The following RAB30 variants were observed in gnomAD, a reference collection of about 807,000 sequenced individuals.
The protein encoded by RAB30 is ras-related protein Rab-30.
RAB30 carries 9 observed loss-of-function variants against 25.1 expected under a neutral mutation model. The observed-to-expected ratio is 0.36, with a 90% confidence interval of 0.22 to 0.63. The LOEUF is 0.63. Ranked by LOEUF, RAB30 falls within the 20% of genes least tolerant of loss-of-function variation. The pLI, the probability that RAB30 is intolerant of heterozygous loss-of-function variation, is 0.69. For synonymous variants in RAB30, 77 were observed against 86.4 expected (o/e 0.89, Z 0.60); for missense variants, 140 against 243.5 (o/e 0.58, Z 2.83).
intron 1 of RAB30, among the ~76,000 whole-genome samples, chr11:83,012,358 T>C (rs1318708558): frequency 6.6e-6 from 1 of 152,156 alleles, no homozygotes; most frequent in Non-Finnish European, 1.5e-5. Flanking sequence ...TTAAAACTCT[T>C]CCAGGGCTCT....
chr11:83,017,285 C>T (rs1257243063), intron 1 of RAB30, among the ~76,000 whole-genome samples: 2 of 151,952 alleles, frequency 1.3e-5, no homozygotes, highest in Non-Finnish European at 2.9e-5. Context: ...TGCAGTGAGC[C>T]GTGATAGTTC....
chr11:83,071,546 G>T (rs995935845), intron 1 of RAB30, 145 bp downstream of exon 1: 1 of 139,926 alleles, frequency 7.1e-6, no homozygotes, highest in Non-Finnish European at 1.6e-5. Flanking sequence ...AAATGGCACA[G>T]AGCTTTTCCC....
chr11:82,984,920 C>T (rs1590833012), intron 4 of RAB30, among the ~76,000 whole-genome samples: 1 of 152,124 alleles, frequency 6.6e-6, no homozygotes. Context: ...CTGGCAAAGT[C>T]GGAACAATGG....
In RAB30 at chr11:82,976,752, T is replaced by C. The variant is rs1445101046; in HGVS notation, c.*5413A>G. Reference sequence around the variant, plus strand: ...AAACAAAACCATAAAAAAAGACCAATGAAGAGCCGTCTATCAGCCTTGCAA... The same window carrying C: ...AAACAAAACCATAAAAAAAGACCAACGAAGAGCCGTCTATCAGCCTTGCAA... On this transcript the variant is annotated 3_prime_UTR_variant, in exon 5 of 5. Transcript: ENST00000527633. 1.3e-5 allele frequency: 2 copies of C among 152,018 alleles called. No individual in the cohort carries two copies. Among genetic ancestry groups the C allele is most frequent in the African/African-American group, 2.4e-5 (1 of 41,374 alleles). 9.4% of individuals were successfully genotyped at this position (152,018 alleles called of 1,614,324 possible). A position where few individuals can be genotyped will look rare whatever the true frequency, so the allele number is the denominator to read the frequency against.
intron 1 of RAB30, among the ~76,000 whole-genome samples, chr11:83,037,701 G>A (rs899163308): frequency 6.6e-6 from 1 of 152,134 alleles, no homozygotes; most frequent in Non-Finnish European, 1.5e-5. Flanking sequence ...AAATGCTCGT[G>A]AGATAGCCAA....
intron 1 of RAB30, among the ~76,000 whole-genome samples, chr11:83,050,502 A>C (rs1858334440): frequency 6.6e-6 from 1 of 152,140 alleles, no homozygotes; most frequent in South Asian, 2.1e-4. Flanking sequence ...AAAAGGGGAG[A>C]GGCAGTAAGA....
At position 82,994,206 on chromosome 11, in the gene RAB30, C is replaced by CA. The variant is rs1281444400; in HGVS notation, c.94-85dup. On this transcript the variant is annotated intron_variant, in intron 2 of 4. Coordinates refer to ENST00000527633, the MANE Select transcript of RAB30 (RefSeq NM_001286060.2). Reference sequence around the variant, plus strand: ...TCTCCTCTCCCCCAGCAACACCCATCACCGGAGTCCTTCCTTCAGCTGAGG... The same window carrying CA: ...TCTCCTCTCCCCCAGCAACACCCATCAACCGGAGTCCTTCCTTCAGCTGAGG... 1.1e-5 allele frequency: 13 copies of CA among 1,153,034 alleles called. No homozygotes were observed. The African/African-American group carries it at 2.0e-4, about 18-fold the overall frequency. The allele number at this position is 1,153,034 out of a possible 1,614,324, so 71.4% of individuals were successfully genotyped here. A position where few individuals can be genotyped will look rare whatever the true frequency, so the allele number is the denominator to read the frequency against.
rs1020595372 is a variant in RAB30 at position 82,979,229 on chromosome 11, A to G, written c.*2936T>C. ...AGATTTTCCCAAGCCTGACTCCATG[A>G]CATGAGTATCATGCATTTTCACTGG... On this transcript the variant is annotated 3_prime_UTR_variant, in exon 5 of 5. Coordinates refer to ENST00000527633, the MANE Select transcript of RAB30 (RefSeq NM_001286060.2). 59 of 152,332 alleles carry G rather than the reference A, an allele frequency of 3.9e-4. No homozygotes were observed. Among genetic ancestry groups the G allele is most frequent in the Admixed American group, 3.8e-3 (58 of 15,290 alleles). 9.4% of individuals were successfully genotyped at this position (152,332 alleles called of 1,614,324 possible).
chr11:83,058,656 G>T (rs1858503406), intron 1 of RAB30, among the ~76,000 whole-genome samples: 1 of 152,194 alleles, frequency 6.6e-6, no homozygotes, highest in South Asian at 2.1e-4. Context: ...CACTTAAAGT[G>T]GTGTCTGCCT....
At chr11:83,017,964 A>G (rs11233419) in intron 1 of RAB30, among the ~76,000 whole-genome samples, 5,366 of 152,318 alleles carry the variant, frequency 0.035, 332 homozygotes, top group African/African-American at 0.12. Context: ...ACAGTTTTCC[A>G]TAGTGGTTGT....
intron 3 of RAB30, among the ~76,000 whole-genome samples, chr11:82,990,518 C>T (rs978466399): frequency 3.3e-5 from 5 of 152,158 alleles, no homozygotes; most frequent in African/African-American, 9.7e-5. Flanking sequence ...AAAACATTTA[C>T]TACAACACAG....
At chr11:83,026,102 G>A (rs1857705702) in intron 1 of RAB30, among the ~76,000 whole-genome samples, 1 of 151,974 alleles carries the variant, frequency 6.6e-6, no homozygotes, top group South Asian at 2.1e-4. Flanking sequence ...GAGATGGGAG[G>A]ATCACTTGAG....
chr11:83,037,796 T>C (rs964924178), intron 1 of RAB30, among the ~76,000 whole-genome samples: 15 of 152,190 alleles, frequency 9.9e-5, no homozygotes, highest in Admixed American at 2.0e-4. Flanking sequence ...CTGAAGCTGC[T>C]ACTCTGGTGA....
At chr11:83,033,160 G>A (rs1857913128) in intron 1 of RAB30, among the ~76,000 whole-genome samples, 1 of 149,662 alleles carries the variant, frequency 6.7e-6, no homozygotes, top group African/African-American at 2.5e-5. Context: ...TGCTTTCCGG[G>A]TTCAAGTGAT....
intron 1 of RAB30, among the ~76,000 whole-genome samples, chr11:83,021,165 G>C (rs977458018): frequency 5.9e-5 from 9 of 152,196 alleles, no homozygotes; most frequent in Non-Finnish European, 1.2e-4. Flanking sequence ...TCTCTGTCTT[G>C]CTTACCCTTC....
intron 1 of RAB30, among the ~76,000 whole-genome samples, chr11:83,016,362 T>C (rs950604456): frequency 6.6e-6 from 1 of 152,180 alleles, no homozygotes; most frequent in Non-Finnish European, 1.5e-5. Context: ...GGGGATATAA[T>C]GTCAACAGAT....
chr11:83,063,957 T>C (rs934083487), intron 1 of RAB30, among the ~76,000 whole-genome samples: 2 of 152,184 alleles, frequency 1.3e-5, no homozygotes, highest in Non-Finnish European at 2.9e-5. Context: ...CAGAATTACA[T>C]GTGCTATAAT....
chr11:83,004,961 T>G (rs981575859), intron 1 of RAB30, among the ~76,000 whole-genome samples: 1 of 152,204 alleles, frequency 6.6e-6, no homozygotes, highest in Non-Finnish European at 1.5e-5. Context: ...TGCTACAAGC[T>G]CACTTGCTTT....
chr11:83,026,510 G>C (rs1857718890), intron 1 of RAB30, among the ~76,000 whole-genome samples: 1 of 152,106 alleles, frequency 6.6e-6, no homozygotes, highest in Non-Finnish European at 1.5e-5. Flanking sequence ...GTAACATTCT[G>C]GCTCCCGGTC....
Sources: allele counts gnomAD v4.1 joint callset (sites outside exome capture counted in the v4.1 genomes callset), GRCh38; gene constraint gnomAD v4.1.1; transcripts MANE v1.5; gene names NCBI Gene and HGNC (gene_info 2026-07-23, HGNC 2026-07-21).